The following ACVR1C variants were observed in gnomAD, a reference collection of about 807,000 sequenced individuals.
The protein encoded by ACVR1C is activin A receptor type 1C.
In ACVR1C, 23 loss-of-function variants were observed where a neutral mutation model predicts 57.9. That is an observed-to-expected ratio of 0.40 (90% CI 0.29 to 0.56). The LOEUF (loss-of-function observed/expected upper bound fraction) is 0.56. Ranked by LOEUF, ACVR1C falls within the 20% of genes least tolerant of loss-of-function variation. ACVR1C has a pLI of 0.50. For synonymous variants in ACVR1C, 214 were observed against 215.3 expected, an observed-to-expected ratio of 0.99 and a Z score of 0.05; for missense variants, 480 against 607.9, an observed-to-expected ratio of 0.79 and a Z score of 2.21.
intron 1 of ACVR1C, among the ~76,000 whole-genome samples, chr2:157,607,969 T>C (rs565645726): frequency 2.0e-5 from 3 of 151,808 alleles, no homozygotes; most frequent in African/African-American, 7.2e-5. Context: ...TTTGAATGCC[T>C]TTTATTTCTT....
intron 2 of ACVR1C, among the ~76,000 whole-genome samples, chr2:157,583,377 C>A (rs1271249333): frequency 6.6e-6 from 1 of 151,738 alleles, no homozygotes; most frequent in Non-Finnish European, 1.5e-5. Context: ...AACTGGAGAA[C>A]TAAATAGGTG....
chr2:157,589,153 G>A (rs182449602), intron 1 of ACVR1C, among the ~76,000 whole-genome samples: 99 of 151,752 alleles, frequency 6.5e-4, no homozygotes, highest in African/African-American at 2.3e-3. Context: ...CCCATCAGCA[G>A]GGTATAAGCA....
chr2:157,618,439 C>A (rs888752235), intron 1 of ACVR1C, among the ~76,000 whole-genome samples: 10 of 151,380 alleles, frequency 6.6e-5, no homozygotes, highest in Non-Finnish European at 1.3e-4. Flanking sequence ...TTACATACAA[C>A]CGTATTGGTA....
intron 8 of ACVR1C, among the ~76,000 whole-genome samples, chr2:157,537,013 G>T (rs1184307635): frequency 6.6e-6 from 1 of 152,044 alleles, no homozygotes; most frequent in Non-Finnish European, 1.5e-5. Context: ...TGCTTCTATT[G>T]TATGGAATAC....
intron 1 of ACVR1C, chr2:157,597,233 C>T (rs1279504301): frequency 3.4e-6 from 2 of 591,778 alleles, no homozygotes; most frequent in Non-Finnish European, 4.3e-6. Flanking sequence ...ATTAACCTGC[C>T]CCCACTTTGT....
At chr2:157,626,998 G>C (rs1273263627) in intron 1 of ACVR1C, among the ~76,000 whole-genome samples, 2 of 151,998 alleles carry the variant, frequency 1.3e-5, no homozygotes, top group Non-Finnish European at 2.9e-5. Flanking sequence ...TCAAGAACAT[G>C]AGGCATGTTG....
At chr2:157,628,489 CT>C in intron 1 of ACVR1C, 82 bp downstream of exon 1, 2 of 1,473,540 alleles carry the variant, frequency 1.4e-6, no homozygotes, top group Non-Finnish European at 1.9e-6. Flanking sequence ...GGAGCACCCC[CT>C]GTCCCCCACC....
chr2:157,544,752 A>G, intron 4 of ACVR1C, 140 bp from the exon 5 acceptor site: 2 of 624,704 alleles, frequency 3.2e-6, no homozygotes, highest in Non-Finnish European at 5.2e-6. Context: ...AGTCCAAGTT[A>G]GTAAAGAAAA....
At chr2:157,599,371 A>G in intron 1 of ACVR1C, among the ~76,000 whole-genome samples, 1 of 139,168 alleles carries the variant, frequency 7.2e-6, no homozygotes, top group South Asian at 2.5e-4. Context: ...AATAATAGCC[A>G]CCCACTCCAA....
chr2:157,549,485 A>G (rs1007014663), intron 4 of ACVR1C, among the ~76,000 whole-genome samples: 48 of 152,206 alleles, frequency 3.2e-4, no homozygotes, highest in African/African-American at 1.1e-3. Context: ...GTTCTCCAGG[A>G]TTCTGTTCTA....
chr2:157,550,480 C>T, intron 3 of ACVR1C, 88 bp from the exon 4 acceptor site: 1 of 1,232,036 alleles, frequency 8.1e-7, no homozygotes, highest in South Asian at 1.4e-5. Flanking sequence ...TTTAAAAAAG[C>T]AAACATTTAA....
rs1324501628 is a variant in ACVR1C at position 157,527,851 on chromosome 2, G to C, written c.*6067C>G. On this transcript the variant is annotated 3_prime_UTR_variant, in exon 9 of 9. Transcript: ENST00000243349. ...TTAGGCACACAATCCTCTCTTTACA[G>C]GCAAAGTCAGTAATTAGCTCCATGC... is the stretch of plus-strand genomic sequence containing the variant. The C allele has an allele frequency of 6.6e-6, 1 of 152,114 alleles. No individual in the cohort carries two copies. The highest frequency in any genetic ancestry group is 2.4e-5 in the African/African-American group (1 of 41,418). The allele number at this position is 152,114 out of a possible 1,614,324, so 9.4% of individuals were successfully genotyped here.
intron 3 of ACVR1C, among the ~76,000 whole-genome samples, chr2:157,553,281 T>C (rs1172814949): frequency 1.3e-5 from 2 of 152,186 alleles, no homozygotes; most frequent in African/African-American, 4.8e-5. Flanking sequence ...GGCCTTCTGT[T>C]ACTTTCAGCC....
At chr2:157,575,200 C>T (rs183008562) in intron 2 of ACVR1C, among the ~76,000 whole-genome samples, 1 of 146,470 alleles carries the variant, frequency 6.8e-6, no homozygotes, top group African/African-American at 2.5e-5. Flanking sequence ...GCGATCTCGC[C>T]TTACTACAAC....
intron 1 of ACVR1C, among the ~76,000 whole-genome samples, chr2:157,623,054 A>G (rs1682817684): frequency 6.6e-6 from 1 of 152,198 alleles, no homozygotes; most frequent in South Asian, 2.1e-4. Context: ...AAAAACTACA[A>G]TGATATCATC....
intron 2 of ACVR1C, among the ~76,000 whole-genome samples, chr2:157,574,299 C>G (rs1688593275): frequency 6.6e-6 from 1 of 152,170 alleles, no homozygotes; most frequent in South Asian, 2.1e-4. Context: ...TAGAAGGCAC[C>G]TTCTCCCTGT....
intron 4 of ACVR1C, 83 bp downstream of exon 4, chr2:157,550,079 A>G (rs1011078056): frequency 6.8e-6 from 8 of 1,183,756 alleles, no homozygotes; most frequent in Non-Finnish European, 9.7e-6. Flanking sequence ...CTTATCTGAT[A>G]CTAGACAACA....
At chr2:157,534,674 A>G (rs947825291) in intron 8 of ACVR1C, among the ~76,000 whole-genome samples, 1 of 152,228 alleles carries the variant, frequency 6.6e-6, no homozygotes, top group African/African-American at 2.4e-5. Context: ...TTAAAAATGA[A>G]CTAGCAAAGA....
Position 157,541,198 on chromosome 2 carries a change from T to A in ACVR1C, c.1117A>T (p.Met373Leu). Residue 373 changes from methionine to leucine, a missense_variant, in exon 7 of 9, where the codon ATG (methionine) becomes TTG (leucine). Physicochemically the swap from Met to Leu is conservative, Grantham distance 15 (BLOSUM62 2). Coordinates refer to ENST00000243349, the MANE Select transcript of ACVR1C (RefSeq NM_145259.3). The stretch of plus-strand genomic sequence containing the variant: ...TTCACATTCATTGTATCATCAAGCA[T>A]TTCAGGAGCCATATACCTTCAAAAA... The part of the protein sequence containing the change: ...VGTKRYMAPE[M>L]LDDTMNVNIF... The A allele has an allele frequency of 6.2e-7, 1 of 1,613,818 alleles. No homozygotes were observed. The highest frequency in any genetic ancestry group is 8.5e-7 in the Non-Finnish European group (1 of 1,179,864).
Sources: allele counts gnomAD v4.1 joint callset (sites outside exome capture counted in the v4.1 genomes callset), GRCh38; gene constraint gnomAD v4.1.1; transcripts MANE v1.5; gene names NCBI Gene and HGNC (gene_info 2026-07-23, HGNC 2026-07-21).